POLA1: variants seen among roughly 807,000 people sequenced by gnomAD.
POLA1 encodes DNA polymerase alpha 1, catalytic subunit.
Under a neutral mutation model 124.0 loss-of-function variants are expected in POLA1, and 15 were observed. The observed-to-expected ratio is 0.12, with a 90% CI of 0.08 to 0.19. POLA1 has a LOEUF of 0.19. Among genes scored for constraint, POLA1 ranks in the 10% least tolerant of loss-of-function variants. The probability of loss-of-function intolerance (pLI) is 1.00; values close to 1 mark genes in which losing one functional copy is unlikely to be tolerated. For synonymous variants in POLA1, 408 were observed against 389.4 expected (o/e 1.05, Z -0.56); for missense variants, 886 against 1,103.4 (o/e 0.80, Z 2.79).
At chrX:24,815,471 T>C (rs1371023147) in intron 30 of POLA1, among the ~76,000 whole-genome samples, 1 of 111,064 alleles carries the variant, frequency 9.0e-6, no homozygotes, top group Admixed American at 9.5e-5. Context: ...GTAATAGTTG[T>C]TTGGAGTGTA....
chrX:24,961,086 A>G (rs192891094), intron 36 of POLA1, among the ~76,000 whole-genome samples: 2 of 111,779 alleles, frequency 1.8e-5, no homozygotes, highest in Non-Finnish European at 3.8e-5. Flanking sequence ...CACTTGTTAG[A>G]CATTTGCAGC....
intron 26 of POLA1, among the ~76,000 whole-genome samples, chrX:24,795,661 GA>G (rs1272577908): frequency 2.1e-5 from 2 of 94,186 alleles, no homozygotes; most frequent in South Asian, 4.3e-4. Context: ...GAGAAAGAAA[GA>G]TTTTTTTTTT....
intron 4 of POLA1, among the ~76,000 whole-genome samples, chrX:24,712,067 G>A (rs777448529): frequency 3.4e-4 from 38 of 111,946 alleles, no homozygotes; most frequent in South Asian, 3.7e-4. Flanking sequence ...ATTTCAGTGT[G>A]GTTTTCATTT....
chrX:24,712,798 T>TG (rs1929549340), intron 4 of POLA1, among the ~76,000 whole-genome samples: 1 of 112,009 alleles, frequency 8.9e-6, no homozygotes, highest in East Asian at 2.8e-4. Flanking sequence ...TCTTTACAAA[T>TG]GGCTAGCCAA....
intron 35 of POLA1, among the ~76,000 whole-genome samples, chrX:24,900,809 C>T (rs940526651): frequency 2.7e-5 from 3 of 111,367 alleles, no homozygotes; most frequent in Non-Finnish European, 3.8e-5. Flanking sequence ...CCAAATCCTC[C>T]TAGGTTTTAG....
chrX:24,947,820 A>G (rs2047986463), intron 36 of POLA1, among the ~76,000 whole-genome samples: 1 of 112,203 alleles, frequency 8.9e-6, no homozygotes, highest in Non-Finnish European at 1.9e-5. Context: ...AATACTACTA[A>G]TAGGCTGGGG....
intron 32 of POLA1, among the ~76,000 whole-genome samples, chrX:24,836,354 A>G (rs1569332492): frequency 1.8e-5 from 2 of 111,843 alleles, no homozygotes; most frequent in East Asian, 5.6e-4. Context: ...TGTCAAACGT[A>G]AGCATGTATT....
At chrX:24,985,071 G>A (rs1174964955) in intron 36 of POLA1, among the ~76,000 whole-genome samples, 2 of 112,100 alleles carry the variant, frequency 1.8e-5, no homozygotes, top group African/African-American at 6.5e-5. Context: ...GTGGCGTTGT[G>A]AAAAGCCTCT....
chrX:24,970,442 A>G (rs1381725038), intron 36 of POLA1, among the ~76,000 whole-genome samples: 2 of 112,355 alleles, frequency 1.8e-5, no homozygotes, highest in Non-Finnish European at 3.8e-5. Flanking sequence ...ACAAAAGCAA[A>G]TATCGACAAA....
chrX:24,801,924 G>GGTGGGTGTGTGTGTGTGTGT (rs1555994716), intron 26 of POLA1, among the ~76,000 whole-genome samples: 9 of 74,536 alleles, frequency 1.2e-4, no homozygotes, highest in African/African-American at 3.3e-4. Context: ...GAGGTGGGTG[G>GGTGGGTGTGTGTGTGTGTGT]GTGTGTGTGT....
chrX:24,843,690 A>G lies in POLA1; in HGVS notation c.4047+13A>G, dbSNP rs370771256. On this transcript the variant is annotated intron_variant, in intron 34 of 36. Coordinates refer to ENST00000379068, the MANE Select transcript of POLA1 (RefSeq NM_001330360.2). ...AAAGTACTATGATGTAAGTATCCAT[A>G]ATGATATTCTTACATACACAACTTA... 12 of 1,100,506 alleles carry G rather than the reference A, an allele frequency of 1.1e-5. No homozygotes were observed. In the African/African-American group the frequency reaches 1.1e-4, roughly 10 times the overall value. 90.7% of individuals were successfully genotyped at this position (1,100,506 alleles called of 1,213,427 possible). A position where few individuals can be genotyped will look rare whatever the true frequency, so the allele number is the denominator to read the frequency against.
intron 34 of POLA1, among the ~76,000 whole-genome samples, chrX:24,848,030 C>T (rs2046499058): frequency 9.0e-6 from 1 of 111,620 alleles, no homozygotes; most frequent in Non-Finnish European, 1.9e-5. Context: ...TTTGTTTTTT[C>T]CCCAAACCAA....
intron 29 of POLA1, 48 bp from the exon 30 acceptor site, chrX:24,814,931 A>T (rs2045966987): frequency 2.7e-6 from 3 of 1,105,167 alleles, no homozygotes; most frequent in Non-Finnish European, 1.2e-6. Flanking sequence ...AAAATATATT[A>T]AAAAATCAAC....
chrX:24,894,941 T>C (rs2047189081), intron 35 of POLA1, among the ~76,000 whole-genome samples: 1 of 110,041 alleles, frequency 9.1e-6, no homozygotes, highest in African/African-American at 3.3e-5. Flanking sequence ...ACCTGGCTAA[T>C]TTTTATATTT....
chrX:24,738,648 C>T (rs1445409126), intron 19 of POLA1, among the ~76,000 whole-genome samples: 2 of 111,533 alleles, frequency 1.8e-5, no homozygotes, highest in Non-Finnish European at 3.8e-5. Flanking sequence ...GCCTGGGTGA[C>T]TCTTAAAGCC....
intron 10 of POLA1, among the ~76,000 whole-genome samples, chrX:24,721,828 T>A (rs1302511987): frequency 1.8e-5 from 2 of 112,272 alleles, no homozygotes; most frequent in Non-Finnish European, 3.8e-5. Flanking sequence ...CTTATTTGAA[T>A]CTTTGAATCC....
intron 15 of POLA1, among the ~76,000 whole-genome samples, chrX:24,730,515 G>A (rs1930839471): frequency 8.9e-6 from 1 of 112,100 alleles, no homozygotes; most frequent in African/African-American, 3.2e-5. Context: ...CAAAGTGCTG[G>A]GATTACAGGC....
intron 34 of POLA1, among the ~76,000 whole-genome samples, chrX:24,875,882 C>T (rs1338205611): frequency 9.0e-6 from 1 of 111,714 alleles, no homozygotes; most frequent in East Asian, 2.8e-4. Flanking sequence ...TTTCTTTTCT[C>T]ATCCTGAAAT....
chrX:24,891,862 A>G (rs192205187), intron 35 of POLA1, among the ~76,000 whole-genome samples: 192 of 111,925 alleles, frequency 1.7e-3, no homozygotes, highest in Non-Finnish European at 2.9e-3. Flanking sequence ...TGGACAGAAC[A>G]CTAGACATTC....
Sources: gnomAD v4.1 joint callset for allele counts (sites outside exome capture counted in the v4.1 genomes callset) on GRCh38, gnomAD v4.1.1 for gene constraint, MANE v1.5 for transcripts, NCBI Gene and HGNC (gene_info 2026-07-23, HGNC 2026-07-21) for gene names.